Variants in ALDH1A1 observed in about 807,000 individuals in gnomAD.
ALDH1A1 encodes the protein aldehyde dehydrogenase 1 family member A1.
A neutral mutation model predicts 62.1 loss-of-function variants in ALDH1A1; 19 were observed. The observed-to-expected ratio is 0.31, with a 90% CI of 0.21 to 0.45. The LOEUF is 0.45. Among genes scored for constraint, ALDH1A1 ranks in the 20% least tolerant of loss-of-function variants. The pLI is 1.00. For synonymous variants in ALDH1A1, 231 were observed against 215.9 expected (o/e 1.07, Z -0.61); for missense variants, 521 against 607.1 (o/e 0.86, Z 1.49).
At chr9:72,917,510 A>C (rs143565255) in intron 8 of ALDH1A1, among the ~76,000 whole-genome samples, 19 of 152,290 alleles carry the variant, frequency 1.2e-4, no homozygotes, top group African/African-American at 3.6e-4. Flanking sequence ...GAATTAAATA[A>C]TTTCAAAAGA....
chr9:72,904,154 C>T (rs765600796), intron 12 of ALDH1A1, among the ~76,000 whole-genome samples: 3 of 152,014 alleles, frequency 2.0e-5, no homozygotes, highest in Non-Finnish European at 4.4e-5. Flanking sequence ...GTAGCTTGAA[C>T]TGGGGTGCAT....
chr9:72,936,749 A>G (rs1275069471), intron 2 of ALDH1A1, among the ~76,000 whole-genome samples: 1 of 152,176 alleles, frequency 6.6e-6, no homozygotes, highest in African/African-American at 2.4e-5. Flanking sequence ...GTAGCATTTC[A>G]GAGAGGTGCA....
At chr9:72,924,876 A>G (rs1046381617) in intron 6 of ALDH1A1, among the ~76,000 whole-genome samples, 3 of 152,244 alleles carry the variant, frequency 2.0e-5, no homozygotes, top group African/African-American at 7.2e-5. Context: ...AAAAAAGGAC[A>G]ATGAATTGTT....
intron 1 of ALDH1A1, among the ~76,000 whole-genome samples, chr9:72,948,391 C>T (rs764587481): frequency 4.6e-5 from 7 of 151,960 alleles, no homozygotes; most frequent in Middle Eastern, 3.2e-3. Context: ...ATCCGCCAGC[C>T]GATCTGGCCC....
intron 10 of ALDH1A1, among the ~76,000 whole-genome samples, chr9:72,910,783 C>A (rs1829972930): frequency 6.6e-6 from 1 of 152,116 alleles, no homozygotes; most frequent in Non-Finnish European, 1.5e-5. Context: ...AAGGGAGGGG[C>A]TGCTGTTCAA....
intron 12 of ALDH1A1, among the ~76,000 whole-genome samples, chr9:72,902,601 A>G (rs1296396167): frequency 6.6e-6 from 1 of 152,080 alleles, no homozygotes; most frequent in African/African-American, 2.4e-5. Context: ...TAGATCAATC[A>G]ACCCATGACT....
intron 1 of ALDH1A1, among the ~76,000 whole-genome samples, chr9:72,944,134 T>C (rs569636668): frequency 6.6e-6 from 1 of 152,098 alleles, no homozygotes; most frequent in East Asian, 1.9e-4. Flanking sequence ...ATTCTGGATA[T>C]AAAAAGGGAG....
At chr9:72,922,532 C>T (rs1014041523) in intron 7 of ALDH1A1, among the ~76,000 whole-genome samples, 2 of 151,912 alleles carry the variant, frequency 1.3e-5, no homozygotes, top group African/African-American at 4.8e-5. Context: ...TTTGGCTTCC[C>T]TGGGCTACAT....
intron 1 of ALDH1A1, among the ~76,000 whole-genome samples, chr9:72,948,637 A>T (rs916101812): frequency 6.6e-6 from 1 of 151,838 alleles, no homozygotes; most frequent in African/African-American, 2.4e-5. Context: ...TCTTCTACTC[A>T]TATCCTCTCA....
intron 11 of ALDH1A1, among the ~76,000 whole-genome samples, chr9:72,909,212 A>C (rs1829947409): frequency 1.6e-5 from 2 of 125,024 alleles, no homozygotes; most frequent in African/African-American, 3.1e-5. Flanking sequence ...CTGAGGCTAG[A>C]GTGCAATGGC....
chr9:72,935,384 A>G (rs1830335664), intron 2 of ALDH1A1, among the ~76,000 whole-genome samples: 1 of 152,224 alleles, frequency 6.6e-6, no homozygotes, highest in Non-Finnish European at 1.5e-5. Flanking sequence ...ATGTAAAAAG[A>G]CAGTTCAAAT....
Position 72,953,049 on chromosome 9 carries a change from C to T in ALDH1A1, c.-49G>A. On this transcript the variant is annotated 5_prime_UTR_variant, in exon 1 of 13. Coordinates refer to ENST00000297785, the MANE Select transcript of ALDH1A1 (RefSeq NM_000689.5). ...AGGTGACTGGCTCAGCAATTTGGTTCTGATAGAGCACTTGGCTTTATTTGT... is the reference window on the plus strand; with the variant it reads ...AGGTGACTGGCTCAGCAATTTGGTTTTGATAGAGCACTTGGCTTTATTTGT... 1 of 1,611,388 alleles carries T rather than the reference C, an allele frequency of 6.2e-7. No homozygotes were observed. The highest frequency in any genetic ancestry group is 8.5e-7 in the Non-Finnish European group (1 of 1,178,174).
At position 72,909,219 on chromosome 9, in the gene ALDH1A1, T is replaced by C. The variant is rs937673179; in HGVS notation, c.1358+383A>G. Among the ~76,000 whole-genome samples the C allele has an allele frequency of 4.6e-5, 6 of 131,468 alleles. No individual in the cohort carries two copies. The East Asian group carries it at 7.6e-4, about 17-fold the overall frequency. The allele number at this position is 131,468 out of a possible 152,430, so 86.2% of individuals were successfully genotyped here. ...TCTTGTTGCTGAGGCTAGAGTGCAA[T>C]GGCATGATCTCGGCTCACTGCAACC... On this transcript the variant is annotated intron_variant, in intron 11 of 12. Transcript: ENST00000297785.
intron 3 of ALDH1A1, 61 bp from the exon 4 acceptor site, chr9:72,929,082 G>T: frequency 6.5e-7 from 1 of 1,539,960 alleles, no homozygotes; most frequent in Non-Finnish European, 8.8e-7. Context: ...AAAATATGTA[G>T]TAAATATTTT....
At chr9:72,910,007 G>A (rs1829962284) in intron 10 of ALDH1A1, among the ~76,000 whole-genome samples, 1 of 152,148 alleles carries the variant, frequency 6.6e-6, no homozygotes, top group African/African-American at 2.4e-5. Flanking sequence ...TAAGTTTCTA[G>A]ATGTTGGAAT....
chr9:72,914,420 A>G (rs1293142883), intron 9 of ALDH1A1, among the ~76,000 whole-genome samples: 1 of 152,192 alleles, frequency 6.6e-6, no homozygotes, highest in Non-Finnish European at 1.5e-5. Flanking sequence ...CTGCAGAATT[A>G]TTCTTCAAGA....
At chr9:72,922,946 A>T (rs1368456492) in intron 7 of ALDH1A1, among the ~76,000 whole-genome samples, 1 of 152,240 alleles carries the variant, frequency 6.6e-6, no homozygotes, top group African/African-American at 2.4e-5. Flanking sequence ...CATTTTAAAA[A>T]GACCAAGAAA....
intron 3 of ALDH1A1, 135 bp from the exon 4 acceptor site, chr9:72,929,156 CTTTT>C: frequency 1.0e-6 from 1 of 977,296 alleles, no homozygotes; most frequent in Non-Finnish European, 1.5e-6. Context: ...CTAACCTCCA[CTTTT>C]TAAGAGTTAA....
Position 72,917,039 on chromosome 9 carries a change from C to T in ALDH1A1, c.916G>A (p.Ala306Thr), listed in dbSNP as rs778276187. 1.1e-5 allele frequency: 18 copies of T among 1,613,608 alleles called. No individual in the cohort carries two copies. Among genetic ancestry groups the T allele is most frequent in the Non-Finnish European group, 1.4e-5 (16 of 1,179,788 alleles). Residue 306 changes from alanine (A) to threonine (T), a missense_variant, in exon 9 of 13, where the codon GCA becomes ACA. By Grantham distance (58) the Ala-to-Thr change is moderately conservative. Transcript: ENST00000297785. ...GATTCTTCCACAAAAATCCTGGATG[C>T]GGCTATACAACACTGGCCCTGGTGG... ...FYHQGQCCIA[A>T]SRIFVEESIY...
Sources: allele counts gnomAD v4.1 joint callset (sites outside exome capture counted in the v4.1 genomes callset), GRCh38; gene constraint gnomAD v4.1.1; transcripts MANE v1.5; gene names NCBI Gene and HGNC (gene_info 2026-07-23, HGNC 2026-07-21).